The following ANK3 variants were observed in gnomAD, a reference collection of about 807,000 sequenced individuals.
The protein encoded by ANK3 is ankyrin-3.
A neutral mutation model predicts 370.9 loss-of-function variants in ANK3; 57 were observed. That is an observed-to-expected ratio of 0.15 (90% confidence interval 0.12 to 0.19). The LOEUF is 0.19. Among genes scored for constraint, ANK3 ranks in the 10% least tolerant of loss-of-function variants. The probability of loss-of-function intolerance (pLI) is 1.00; values close to 1 mark genes in which losing one functional copy is unlikely to be tolerated. For synonymous variants in ANK3, 1,929 were observed against 1,946.3 expected (o/e 0.99, Z 0.23); for missense variants, 4,439 against 5,302.1 (o/e 0.84, Z 5.06).
rs561503639 is a variant in ANK3 at position 60,332,741 on chromosome 10, G to T, written c.115-53102C>A. 5.9e-5 allele frequency among the ~76,000 whole-genome samples: 9 copies of T among 152,236 alleles called. No homozygotes were observed. In the South Asian group the frequency reaches 1.9e-3, roughly 32 times the overall value. ...AATTTCTAAACAGTATTAAATGAAG[G>T]CATCAGTATATTTTGATGGCTCTGT... On this transcript the variant is annotated intron_variant, in intron 1 of 43. Coordinates refer to ENST00000280772, the MANE Select transcript of ANK3 (RefSeq NM_020987.5).
At chr10:60,708,825 A>C (rs889498832) in intron 1 of ANK3, among the ~76,000 whole-genome samples, 1 of 152,178 alleles carries the variant, frequency 6.6e-6, no homozygotes. Context: ...CTTCTGTGTA[A>C]TAACAGGAAA....
intron 1 of ANK3, among the ~76,000 whole-genome samples, chr10:60,358,099 TACACAC>T (rs200773594): frequency 8.2e-6 from 1 of 121,650 alleles, no homozygotes; most frequent in Non-Finnish European, 1.8e-5. Context: ...TGCATATGTA[TACACAC>T]ACACACACAC....
At chr10:60,244,901 G>A (rs897332940) in intron 7 of ANK3, among the ~76,000 whole-genome samples, 9 of 152,184 alleles carry the variant, frequency 5.9e-5, no homozygotes, top group African/African-American at 1.9e-4. Flanking sequence ...CGGGCGCGGT[G>A]GCTCACGCCT....
chr10:60,361,157 G>C (rs2058549768), intron 1 of ANK3, among the ~76,000 whole-genome samples: 1 of 152,050 alleles, frequency 6.6e-6, no homozygotes, highest in Non-Finnish European at 1.5e-5. Context: ...TTTCTTCTGG[G>C]GTTTTCTTTT....
At chr10:60,226,495 ACTATAG>A (rs1565820032) in intron 8 of ANK3, among the ~76,000 whole-genome samples, 1 of 92,036 alleles carries the variant, frequency 1.1e-5, no homozygotes, top group Admixed American at 1.2e-4. Flanking sequence ...ATATACATAT[ACTATAG>A]TATATATACA....
chr10:60,341,446 A>G (rs563738543), intron 1 of ANK3, among the ~76,000 whole-genome samples: 30 of 152,292 alleles, frequency 2.0e-4, no homozygotes, highest in African/African-American at 7.0e-4. Flanking sequence ...TTCTTCCCAG[A>G]AGCTACCAAT....
intron 38 of ANK3, among the ~76,000 whole-genome samples, chr10:60,067,217 TG>T (rs1305686637): frequency 6.6e-6 from 1 of 152,228 alleles, no homozygotes; most frequent in Non-Finnish European, 1.5e-5. Flanking sequence ...ATTCAACTTT[TG>T]TGAATTAAAT....
intron 2 of ANK3, among the ~76,000 whole-genome samples, chr10:60,525,528 G>A (rs1178574844): frequency 6.6e-6 from 1 of 152,106 alleles, no homozygotes; most frequent in Non-Finnish European, 1.5e-5. Flanking sequence ...AGTACTTGCT[G>A]AGAGCCTACT....
intron 2 of ANK3, among the ~76,000 whole-genome samples, chr10:60,460,283 C>T (rs906311902): frequency 6.6e-6 from 1 of 152,128 alleles, no homozygotes; most frequent in Non-Finnish European, 1.5e-5. Flanking sequence ...GAGGCAGATA[C>T]AATGACTCAG....
Position 60,074,057 on chromosome 10 carries a change from T to C in ANK3, c.6824A>G (p.Asp2275Gly). ...ERIEETMSVHDIMKAFQSGRD... is the reference protein window; with the variant it reads ...ERIEETMSVHGIMKAFQSGRD... ...CCCGGACTGAAAGGCCTTCATGATG[T>C]CATGGACTGACATGGTTTCTTCAAT... The change falls in exon 37 of 44, where the codon GAC (aspartate) becomes GGC (glycine). Residue 2275 changes from aspartate (D) to glycine (G), a missense_variant. By Grantham distance (94) the Asp-to-Gly change is moderately conservative (BLOSUM62 -1). Transcript: ENST00000280772. The C allele has an allele frequency of 6.2e-7, 1 of 1,614,116 alleles. No homozygotes were observed. Among genetic ancestry groups the C allele is most frequent in the Non-Finnish European group, 8.5e-7 (1 of 1,180,014 alleles).
chr10:60,683,825 A>G (rs1006761341), intron 1 of ANK3, among the ~76,000 whole-genome samples: 2 of 152,188 alleles, frequency 1.3e-5, no homozygotes, highest in African/African-American at 4.8e-5. Flanking sequence ...CATGACAACC[A>G]CATATAAACA....
rs77151172 is a variant in ANK3, at chr10:60,124,900, G to A, written c.2841+9371C>T. Among the ~76,000 whole-genome samples, 8 of 152,282 alleles carry A rather than the reference G, an allele frequency of 5.3e-5. No individual in the cohort carries two copies. In the East Asian group the frequency reaches 1.5e-3, roughly 29 times the overall value. On this transcript the variant is annotated intron_variant, in intron 25 of 43. Coordinates refer to ENST00000280772, the MANE Select transcript of ANK3 (RefSeq NM_020987.5). ...ATCATAATACCCCTTCCATTAGGTA[G>A]CCAAAAGCACGAAATGAGATGATGC...
At chr10:60,483,838 A>G (rs1334904110) in intron 2 of ANK3, among the ~76,000 whole-genome samples, 1 of 152,160 alleles carries the variant, frequency 6.6e-6, no homozygotes, top group South Asian at 2.1e-4. Context: ...GTCTCTATTT[A>G]TTCTTAGGTC....
chr10:60,046,444 T>C (rs544598220), intron 42 of ANK3, among the ~76,000 whole-genome samples: 1 of 152,310 alleles, frequency 6.6e-6, no homozygotes, highest in East Asian at 1.9e-4. Context: ...ACTGAATGAA[T>C]CTTTTTGTGG....
intron 2 of ANK3, among the ~76,000 whole-genome samples, chr10:60,439,517 A>G (rs923936319): frequency 4.6e-5 from 7 of 152,060 alleles, no homozygotes; most frequent in African/African-American, 1.2e-4. Flanking sequence ...AAAAAAAAAT[A>G]ATTTAAAAAA....
intron 38 of ANK3, among the ~76,000 whole-genome samples, chr10:60,064,672 GCAA>G (rs56412726): frequency 1.4e-5 from 2 of 146,102 alleles, no homozygotes; most frequent in African/African-American, 5.0e-5. Flanking sequence ...CATACACACA[GCAA>G]CAACAACAAC....
rs146681775 is a variant in ANK3, at chr10:60,686,635, T to C, written c.57+46628A>G. Among the ~76,000 whole-genome samples the C allele has an allele frequency of 9.9e-4, 151 of 152,310 alleles. 1 individual carries two copies. The highest frequency in any genetic ancestry group is 6.8e-3 in the Middle Eastern group (2 of 294). On this transcript the variant is annotated intron_variant, in intron 1 of 43. Transcript: ENST00000373827. ...TAATCTTCCTAACAACTGTAGGTATTATTACATTTTTACTTTTTATTTTGG... is the reference window on the plus strand; with the variant it reads ...TAATCTTCCTAACAACTGTAGGTATCATTACATTTTTACTTTTTATTTTGG...
intron 40 of ANK3, chr10:60,060,567 T>G (rs1472693318): frequency 2.0e-5 from 3 of 152,192 alleles, no homozygotes; most frequent in African/African-American, 7.2e-5. Context: ...ATTTAATCTT[T>G]GGAAAGAAAT....
intron 8 of ANK3, among the ~76,000 whole-genome samples, chr10:60,231,405 C>T (rs1306498896): frequency 6.6e-6 from 1 of 152,156 alleles, no homozygotes; most frequent in Admixed American, 6.5e-5. Context: ...TTTCCTGCCT[C>T]TAAAACACGG....
Sources: allele counts gnomAD v4.1 joint callset (sites outside exome capture counted in the v4.1 genomes callset), GRCh38; gene constraint gnomAD v4.1.1; transcripts MANE v1.5; gene names NCBI Gene and HGNC (gene_info 2026-07-23, HGNC 2026-07-21).